The following C9orf153 variants were observed in gnomAD, a reference collection of about 807,000 sequenced individuals.
C9orf153 encodes chromosome 9 open reading frame 153.
A neutral mutation model predicts 9.0 loss-of-function variants in C9orf153; 10 were observed. The observed-to-expected ratio is 1.11, with a 90% CI of 0.69 to 1.89. The LOEUF (loss-of-function observed/expected upper bound fraction) is 1.89, where lower values mean the gene tolerates loss of function less well. Among genes scored for constraint, C9orf153 ranks in the 40% most tolerant of loss-of-function variants. The pLI is 0.00. For synonymous variants in C9orf153, 35 were observed against 37.3 expected, an observed-to-expected ratio of 0.94 and a Z score of 0.23; for missense variants, 108 against 111.0, an observed-to-expected ratio of 0.97 and a Z score of 0.12.
intron 1 of C9orf153, among the ~76,000 whole-genome samples, chr9:86,246,735 ACAGTAT>A (rs147899430): frequency 1.4e-3 from 211 of 152,310 alleles, no homozygotes; most frequent in African/African-American, 4.9e-3. Flanking sequence ...GGGTTAAGAA[ACAGTAT>A]CATGAGACCT....
intron 3 of C9orf153, among the ~76,000 whole-genome samples, chr9:86,227,089 G>T (rs899890382): frequency 5.3e-5 from 8 of 152,118 alleles, no homozygotes; most frequent in Non-Finnish European, 1.0e-4. Flanking sequence ...TTTTAAGAGT[G>T]AATCTGAGAC....
At chr9:86,255,996 T>C (rs1825116488) in intron 1 of C9orf153, among the ~76,000 whole-genome samples, 1 of 152,236 alleles carries the variant, frequency 6.6e-6, no homozygotes, top group Non-Finnish European at 1.5e-5. Context: ...CTTTCACTTA[T>C]CAGCTGCCTC....
At chr9:86,227,815 A>T (rs756662689) in intron 3 of C9orf153, 40 bp downstream of exon 3, 4 of 1,579,774 alleles carry the variant, frequency 2.5e-6, no homozygotes, top group Admixed American at 1.8e-5. Context: ...AGAGGAGCTC[A>T]ATCATGGATG....
At chr9:86,250,211 C>A (rs1012104860) in intron 1 of C9orf153, among the ~76,000 whole-genome samples, 1 of 152,184 alleles carries the variant, frequency 6.6e-6, no homozygotes. Flanking sequence ...CTTTGTTTTT[C>A]TTTTGCTCTT....
At chr9:86,230,028 G>A (rs997434329) in intron 1 of C9orf153, among the ~76,000 whole-genome samples, 2 of 152,064 alleles carry the variant, frequency 1.3e-5, no homozygotes, top group African/African-American at 2.4e-5. Flanking sequence ...GAACAGCAAG[G>A]GGAAATCCTC....
At chr9:86,250,232 C>G (rs1228462962) in intron 1 of C9orf153, among the ~76,000 whole-genome samples, 1 of 152,114 alleles carries the variant, frequency 6.6e-6, no homozygotes, top group African/African-American at 2.4e-5. Flanking sequence ...GAGAGACAGT[C>G]TTTCTTCATG....
At chr9:86,251,914 T>TACACACACACACACACACAC (rs34620205) in intron 1 of C9orf153, among the ~76,000 whole-genome samples, 6,825 of 140,030 alleles carry the variant, frequency 0.049, 221 homozygotes, top group South Asian at 0.094. Context: ...TTAGGTAAAC[T>TACACACACACACACACACAC]ACACACACAC....
chr9:86,250,614 G>A (rs538928922), intron 1 of C9orf153, among the ~76,000 whole-genome samples: 13 of 152,248 alleles, frequency 8.5e-5, no homozygotes, highest in Non-Finnish European at 1.8e-4. Context: ...ATATACATCC[G>A]TTTGTATTTC....
At chr9:86,240,707 C>CTTTTTTTTT (rs367674249) in intron 1 of C9orf153, among the ~76,000 whole-genome samples, 42 of 117,026 alleles carry the variant, frequency 3.6e-4, no homozygotes, top group Non-Finnish European at 3.9e-4. Flanking sequence ...TTTTCTTTTT[C>CTTTTTTTTT]TTTTTTTTTT....
rs975827592 is a variant in C9orf153 at position 86,220,758 on chromosome 9, T to C, written c.*930A>G. 37 of 152,204 alleles carry C rather than the reference T, an allele frequency of 2.4e-4. No individual in the cohort carries two copies. Among genetic ancestry groups the C allele is most frequent in the African/African-American group, 8.9e-4 (37 of 41,462 alleles). 9.4% of individuals were successfully genotyped at this position (152,204 alleles called of 1,614,324 possible). A position where few individuals can be genotyped will look rare whatever the true frequency, so the allele number is the denominator to read the frequency against. Reference sequence around the variant, plus strand: ...TGTGTTTCTTGAGATTTTTCTGTCATTTTATTTTCACATATCACTTAATTT... The same window carrying C: ...TGTGTTTCTTGAGATTTTTCTGTCACTTTATTTTCACATATCACTTAATTT... On this transcript the variant is annotated 3_prime_UTR_variant, in exon 4 of 4. Transcript: ENST00000339137.
intron 1 of C9orf153, among the ~76,000 whole-genome samples, chr9:86,231,615 A>G (rs76973065): frequency 6.6e-6 from 1 of 151,876 alleles, no homozygotes; most frequent in Non-Finnish European, 1.5e-5. Flanking sequence ...ATATATATAT[A>G]CATGTATGTA....
chr9:86,247,246 G>A (rs892612188), intron 1 of C9orf153, among the ~76,000 whole-genome samples: 9 of 152,154 alleles, frequency 5.9e-5, no homozygotes, highest in African/African-American at 2.2e-4. Flanking sequence ...ACTCTTTGGG[G>A]TACAGTGAAT....
At chr9:86,237,831 TACTTTAGGAG>T (rs1346950258) in intron 1 of C9orf153, among the ~76,000 whole-genome samples, 1 of 151,918 alleles carries the variant, frequency 6.6e-6, no homozygotes, top group East Asian at 1.9e-4. Flanking sequence ...GTAATCCCAG[TACTTTAGGAG>T]GCTGAGGTGG....
At chr9:86,230,373 C>G (rs1328024057) in intron 1 of C9orf153, among the ~76,000 whole-genome samples, 1 of 152,224 alleles carries the variant, frequency 6.6e-6, no homozygotes, top group Non-Finnish European at 1.5e-5. Flanking sequence ...ACGATCTTGG[C>G]TCACTGCAAC....
At chr9:86,251,144 T>A (rs1240059402) in intron 1 of C9orf153, among the ~76,000 whole-genome samples, 1 of 152,214 alleles carries the variant, frequency 6.6e-6, no homozygotes. Flanking sequence ...CTCCTAGAGT[T>A]TTGCTAAGCT....
rs367793280 is a variant in C9orf153 at position 86,251,942 on chromosome 9, C to CACACACACACACACACGA, written c.-27+7607_-27+7608insTCGTGTGTGTGTGTGTGT. 6.4e-3 allele frequency among the ~76,000 whole-genome samples: 953 copies of CACACACACACACACACGA among 149,652 alleles called. 14 individuals are homozygous for CACACACACACACACACGA. The highest frequency in any genetic ancestry group is 0.022 in the African/African-American group (865 of 40,110). On this transcript the variant is annotated intron_variant, in intron 1 of 3. Coordinates refer to ENST00000339137, the MANE Select transcript of C9orf153 (RefSeq NM_001276366.4). The stretch of plus-strand genomic sequence containing the variant: ...ACACACACACACACACACACACACA[C>CACACACACACACACACGA]GAGAGAGAGAGAGGAGAGGGGGAGA...
intron 1 of C9orf153, chr9:86,258,603 A>G (rs1422079692): frequency 1.3e-5 from 2 of 152,200 alleles, no homozygotes; most frequent in Non-Finnish European, 2.9e-5. Context: ...AACCCTGGCC[A>G]TCAGTGGGGT....
chr9:86,225,407 CTCTCTCCTTCCTTCCT>C (rs1316174301), intron 3 of C9orf153, among the ~76,000 whole-genome samples: 3 of 58,820 alleles, frequency 5.1e-5, no homozygotes, highest in Non-Finnish European at 7.7e-5. Flanking sequence ...TTCTCTCTCT[CTCTCTCCTTCCTTCCT>C]TCCTTCCTTC....
chr9:86,222,069 G>A (rs1484690568), intron 3 of C9orf153, among the ~76,000 whole-genome samples: 5 of 152,038 alleles, frequency 3.3e-5, no homozygotes, highest in African/African-American at 1.2e-4. Flanking sequence ...TGTATTTTTA[G>A]TAGAGACGGG....
Sources: gnomAD v4.1 joint callset for allele counts (sites outside exome capture counted in the v4.1 genomes callset) on GRCh38, gnomAD v4.1.1 for gene constraint, MANE v1.5 for transcripts, NCBI Gene and HGNC (gene_info 2026-07-23, HGNC 2026-07-21) for gene names.